The following VAX1 variants were observed in gnomAD, a reference collection of about 807,000 sequenced individuals.
The protein encoded by VAX1 is ventral anterior homeobox 1.
Under a neutral mutation model 17.6 loss-of-function variants are expected in VAX1, and 6 were observed. That is an observed-to-expected ratio of 0.34 (90% CI 0.19 to 0.67). The LOEUF is 0.67. Among genes scored for constraint, VAX1 ranks in the 30% least tolerant of loss-of-function variants. The pLI is 0.69. For synonymous variants in VAX1, 256 were observed against 227.4 expected (o/e 1.13, Z -1.13); for missense variants, 408 against 463.7 (o/e 0.88, Z 1.10).
downstream of VAX1, chr10:117,132,496 T>C: frequency 6.3e-7 from 1 of 1,580,296 alleles, no homozygotes; most frequent in Non-Finnish European, 8.6e-7. The surrounding 1 kb of genome is among the most constrained non-coding windows in gnomAD (Gnocchi z 4.9). Flanking sequence ...AAAAAAAAGA[T>C]GAAAAAGAGG....
downstream of VAX1, chr10:117,129,538 T>C (rs780163844): frequency 1.3e-5 from 2 of 152,500 alleles, no homozygotes; most frequent in Non-Finnish European, 2.9e-5. Context: ...AGCACACCAA[T>C]ATGACACAAT....
chr10:117,130,060 A>G (rs1854065511), downstream of VAX1: 1 of 152,072 alleles, frequency 6.6e-6, no homozygotes, highest in African/African-American at 2.4e-5. Flanking sequence ...GAAGAAGGAA[A>G]GAGGGGTCAA....
rs1405279434 is a variant in VAX1 at position 117,134,587 on chromosome 10, C to T, written c.430-4G>A. 1.3e-6 allele frequency: 2 copies of T among 1,517,436 alleles called. No homozygotes were observed. Among genetic ancestry groups the T allele is most frequent in the Non-Finnish European group, 1.8e-6 (2 of 1,134,314 alleles). The allele number at this position is 1,517,436 out of a possible 1,614,324, so 94.0% of individuals were successfully genotyped here. A position where few individuals can be genotyped will look rare whatever the true frequency, so the allele number is the denominator to read the frequency against. ...GGTTCTGGAACCAGACCTTCACCTG[C>T]GCGCCGGGGTGCGGGGAGAGTTGGA... is the stretch of plus-strand genomic sequence containing the variant. On this transcript the variant is annotated splice_polypyrimidine_tract_variant and splice_region_variant and intron_variant, in intron 2 of 2. Transcript: ENST00000369206. This position sits in a 1 kb window ranked among gnomAD's most constrained non-coding sequence, Gnocchi z 6.2.
In VAX1 at chr10:117,133,943, C is replaced by T. The variant is rs2133659647; in HGVS notation, c.*65G>A. 5.5e-6 allele frequency: 8 copies of T among 1,450,242 alleles called. No homozygotes were observed. In the South Asian group the frequency reaches 6.0e-5, roughly 11 times the overall value. The allele number at this position is 1,450,242 out of a possible 1,614,324, so 89.8% of individuals were successfully genotyped here. A position where few individuals can be genotyped will look rare whatever the true frequency, so the allele number is the denominator to read the frequency against. On this transcript the variant is annotated 3_prime_UTR_variant, in exon 3 of 3. Coordinates refer to ENST00000369206, the MANE Select transcript of VAX1 (RefSeq NM_001112704.2). ...GCGCAGGAGCTCTGGGCACCTAATG[C>T]GCGTGAGTCCATAAATATCACCACA...
Position 117,138,072 on chromosome 10 carries a change from CA to C in VAX1, c.-17del. ...TCCCGAACATAGGCAAGAACAACAA[CA>C]AAAACAGAAAGGAAAAAAAAAGCAA... On this transcript the variant is annotated 5_prime_UTR_variant, in exon 1 of 3. Coordinates refer to ENST00000369206, the MANE Select transcript of VAX1 (RefSeq NM_001112704.2). 1.1e-6 allele frequency: 1 copy of C among 873,144 alleles called. No individual in the cohort carries two copies. Among genetic ancestry groups the C allele is most frequent in the African/African-American group, 2.8e-5 (1 of 35,618 alleles). The allele number at this position is 873,144 out of a possible 1,614,324, so 54.1% of individuals were successfully genotyped here.
Position 117,138,073 on chromosome 10 carries a change from A to G in VAX1, c.-17T>C. The G allele has an allele frequency of 1.5e-6, 2 of 1,299,010 alleles. No homozygotes were observed. Among genetic ancestry groups the G allele is most frequent in the South Asian group, 2.5e-5 (2 of 80,694 alleles). The allele number at this position is 1,299,010 out of a possible 1,614,324, so 80.5% of individuals were successfully genotyped here. A position where few individuals can be genotyped will look rare whatever the true frequency, so the allele number is the denominator to read the frequency against. Reference sequence around the variant, plus strand: ...CCCGAACATAGGCAAGAACAACAACAAAAACAGAAAGGAAAAAAAAAGCAA... The same window carrying G: ...CCCGAACATAGGCAAGAACAACAACGAAAACAGAAAGGAAAAAAAAAGCAA... On this transcript the variant is annotated 5_prime_UTR_variant, in exon 1 of 3. Transcript: ENST00000369206.
downstream of VAX1, among the ~76,000 whole-genome samples, chr10:117,133,030 G>C (rs541655643): frequency 2.0e-5 from 3 of 152,344 alleles, no homozygotes; most frequent in South Asian, 6.2e-4. Context: ...GGCTACCGCC[G>C]GCAGCCGCTT....
At chr10:117,129,439 T>C (rs2133655291), downstream of VAX1, 1 of 152,718 alleles carries the variant, frequency 6.5e-6, no homozygotes, top group Non-Finnish European at 1.5e-5. Context: ...AAACTCAGGA[T>C]TTCAGGGGGT....
downstream of VAX1, chr10:117,132,312 T>G (rs1854098150): frequency 6.2e-7 from 1 of 1,613,962 alleles, no homozygotes; most frequent in Non-Finnish European, 8.5e-7. The surrounding 1 kb of genome is among the most constrained non-coding windows in gnomAD (Gnocchi z 4.9). Flanking sequence ...CCTTCAAATA[T>G]AAGACAAAAA....
Position 117,136,732 on chromosome 10 carries a change from G to C in VAX1, c.242-73C>G. ...ACCTCCTTGGCCCGAGCTGGATTTG[G>C]GGACACAGTCCCCAGAAGCGTGCAG... On this transcript the variant is annotated intron_variant, in intron 1 of 2. Coordinates refer to ENST00000369206, the MANE Select transcript of VAX1 (RefSeq NM_001112704.2). This position sits in a 1 kb window ranked among gnomAD's most constrained non-coding sequence, Gnocchi z 5.0. 6.5e-7 allele frequency: 1 copy of C among 1,530,410 alleles called. No individual in the cohort carries two copies. The highest frequency in any genetic ancestry group is 8.8e-7 in the Non-Finnish European group (1 of 1,134,084). The allele number at this position is 1,530,410 out of a possible 1,614,324, so 94.8% of individuals were successfully genotyped here.
downstream of VAX1, chr10:117,130,593 G>A (rs1172654451): frequency 6.6e-6 from 1 of 152,212 alleles, no homozygotes; most frequent in Admixed American, 6.5e-5. Context: ...CTCCTCCAAG[G>A]CCTGTGAGTC....
chr10:117,134,787 G>A lies in VAX1; in HGVS notation c.430-204C>T, dbSNP rs955956272. ...ACGAGGGGGACACAGCTGCTCCACC[G>A]GGCTGCGCTTCCGGGTCAGGGAAGC... On this transcript the variant is annotated intron_variant, in intron 2 of 2. Transcript: ENST00000369206. The surrounding 1 kb of genome is among the most constrained non-coding windows in gnomAD (Gnocchi z 6.2). 6.6e-6 allele frequency among the ~76,000 whole-genome samples: 1 copy of A among 152,038 alleles called. No individual in the cohort carries two copies. The highest frequency in any genetic ancestry group is 2.4e-5 in the African/African-American group (1 of 41,416).
chr10:117,133,724 C>A lies in VAX1; in HGVS notation c.*284G>T, dbSNP rs1388245288. ...TCCTGGGCTGGGCACGGGGTCAGGG[C>A]ATCAGGTTGACTAACTCGGGCATTT... On this transcript the variant is annotated 3_prime_UTR_variant, in exon 3 of 3. Coordinates refer to ENST00000369206, the MANE Select transcript of VAX1 (RefSeq NM_001112704.2). 8.6e-7 allele frequency: 1 copy of A among 1,168,144 alleles called. No homozygotes were observed. The highest frequency in any genetic ancestry group is 1.1e-6 in the Non-Finnish European group (1 of 948,404). The allele number at this position is 1,168,144 out of a possible 1,614,324, so 72.4% of individuals were successfully genotyped here.
Position 117,136,754 on chromosome 10 carries a change from G to A in VAX1, c.242-95C>T. 1 of 1,451,308 alleles carries A rather than the reference G, an allele frequency of 6.9e-7. No individual in the cohort carries two copies. The highest frequency in any genetic ancestry group is 2.4e-5 in the East Asian group (1 of 42,520). 89.9% of individuals were successfully genotyped at this position (1,451,308 alleles called of 1,614,324 possible). Reference sequence around the variant, plus strand: ...TTGGGGACACAGTCCCCAGAAGCGTGCAGTTTTGGGGATGGGGGGCGGGGT... The same window carrying A: ...TTGGGGACACAGTCCCCAGAAGCGTACAGTTTTGGGGATGGGGGGCGGGGT... On this transcript the variant is annotated intron_variant, in intron 1 of 2. Transcript: ENST00000369206. This position sits in a 1 kb window ranked among gnomAD's most constrained non-coding sequence, Gnocchi z 5.0.
intron 2 of VAX1, among the ~76,000 whole-genome samples, chr10:117,135,595 C>T (rs544415819): frequency 6.6e-6 from 1 of 152,224 alleles, no homozygotes; most frequent in East Asian, 1.9e-4. Flanking sequence ...GCCCAGATCC[C>T]GGACCTAAAA....
At chr10:117,132,586 A>G (rs1854103719), downstream of VAX1, 4 of 1,298,304 alleles carry the variant, frequency 3.1e-6, no homozygotes, top group Non-Finnish European at 4.3e-6. This position sits in a 1 kb window ranked among gnomAD's most constrained non-coding sequence, Gnocchi z 4.9. Context: ...AGATGGATGA[A>G]TACATTCTAG....
rs1185221427 is a variant in VAX1 at position 117,137,341 on chromosome 10, G to T, written c.241+475C>A. 6.6e-6 allele frequency among the ~76,000 whole-genome samples: 1 copy of T among 152,038 alleles called. No homozygotes were observed. The highest frequency in any genetic ancestry group is 1.5e-5 in the Non-Finnish European group (1 of 67,996). On this transcript the variant is annotated intron_variant, in intron 1 of 2. Transcript: ENST00000369206. The surrounding 1 kb of genome is among the most constrained non-coding windows in gnomAD (Gnocchi z 7.4). ...GTCGGGCACCGATCGCGGCCGTGGG[G>T]TCCTCGGCCCAGTGCACTAACTGGC...
In VAX1 at chr10:117,137,612, G is replaced by C. The variant is rs1375352935; in HGVS notation, c.241+204C>G. Among the ~76,000 whole-genome samples, 2 of 152,200 alleles carry C rather than the reference G, an allele frequency of 1.3e-5. No individual in the cohort carries two copies. The stretch of plus-strand genomic sequence containing the variant: ...AGCCCGGTCAGCGGGGCCCCTCCGG[G>C]CGTGGAGGGCCGAGGCCCCTGGAGA... On this transcript the variant is annotated intron_variant, in intron 1 of 2. Transcript: ENST00000369206. The surrounding 1 kb of genome is among the most constrained non-coding windows in gnomAD (Gnocchi z 7.4).
At position 117,133,764 on chromosome 10, in the gene VAX1, G is replaced by A. The variant is rs1854123455; in HGVS notation, c.*244C>T. 2.4e-6 allele frequency: 3 copies of A among 1,249,360 alleles called. No homozygotes were observed. The highest frequency in any genetic ancestry group is 4.6e-5 in the Admixed American group (1 of 21,946). The allele number at this position is 1,249,360 out of a possible 1,614,324, so 77.4% of individuals were successfully genotyped here. ...CTCGGGCATTTTTCCCAATTCTTTGGATCGCTCCTGGATTCAGAAGGAAGT... is the reference window on the plus strand; with the variant it reads ...CTCGGGCATTTTTCCCAATTCTTTGAATCGCTCCTGGATTCAGAAGGAAGT... On this transcript the variant is annotated 3_prime_UTR_variant, in exon 3 of 3. Transcript: ENST00000369206.
Sources: gnomAD v4.1 joint callset for allele counts (sites outside exome capture counted in the v4.1 genomes callset) on GRCh38, gnomAD v4.1.1 for gene constraint, Gnocchi (gnomAD v3.1) non-coding constraint, MANE v1.5 for transcripts, NCBI Gene and HGNC (gene_info 2026-07-23, HGNC 2026-07-21) for gene names.